The following ALOXE3 variants were observed in gnomAD, a reference collection of about 807,000 sequenced individuals.
ALOXE3 encodes hydroperoxide isomerase ALOXE3.
A neutral mutation model predicts 87.5 loss-of-function variants in ALOXE3; 78 were observed. That is an observed-to-expected ratio of 0.89 (90% CI 0.74 to 1.08). The LOEUF is 1.08. Ranked by LOEUF, ALOXE3 falls within the 50% of genes least tolerant of loss-of-function variation. The probability of loss-of-function intolerance (pLI) is 0.00; values close to 1 mark genes in which losing one functional copy is unlikely to be tolerated. For synonymous variants in ALOXE3, 363 were observed against 370.8 expected (o/e 0.98, Z 0.24); for missense variants, 946 against 912.4 (o/e 1.04, Z -0.47).
chr17:8,098,807 T>C (rs1028443257), intron 15 of ALOXE3, among the ~76,000 whole-genome samples: 3 of 152,130 alleles, frequency 2.0e-5, no homozygotes, highest in African/African-American at 7.2e-5. Context: ...TTGGCTGATA[T>C]ATTTTTAAGA....
Position 8,110,423 on chromosome 17 carries a change from G to A in ALOXE3, c.1063C>T (p.Leu355Phe). 1 of 1,611,952 alleles carries A rather than the reference G, an allele frequency of 6.2e-7. No individual in the cohort carries two copies. Among genetic ancestry groups the A allele is most frequent in the East Asian group, 2.2e-5 (1 of 44,862 alleles). The change falls in exon 9 of 16, where the codon CTC (leucine) becomes TTC (phenylalanine). Residue 355 changes from leucine to phenylalanine, a missense_variant. Coordinates refer to ENST00000448843, the MANE Select transcript of ALOXE3 (RefSeq NM_021628.3). ...GGCACCAGCGCCCCCTGGGGGCTGA[G>A]CCACAGCAGGCACAGTGGGGCGGCC... ...YVAAPLCLLWLSPQGALVPLA... is the reference protein window; with the variant it reads ...YVAAPLCLLWFSPQGALVPLA...
At position 8,116,862 on chromosome 17, in the gene ALOXE3, A is replaced by G. The variant is rs1356251013; in HGVS notation, c.266T>C (p.Val89Ala). Residue 89 changes from valine (V) to alanine (A), a missense_variant, in exon 3 of 16, where the codon GTC becomes GCC. Transcript: ENST00000448843. The part of the protein sequence containing the change: ...KDSWYCSRIC[V>A]TEPDGSVSHF... ...GGATACACTACCATCCGGTTCGGTGACACAGATGCGGCTACAGTACCAAGA... is the reference window on the plus strand; with the variant it reads ...GGATACACTACCATCCGGTTCGGTGGCACAGATGCGGCTACAGTACCAAGA... The G allele has an allele frequency of 1.2e-6, 2 of 1,614,120 alleles. No homozygotes were observed. Among genetic ancestry groups the G allele is most frequent in the African/African-American group, 1.3e-5 (1 of 74,942 alleles).
At chr17:8,108,336 T>C (rs1979687675) in intron 13 of ALOXE3, 132 bp downstream of exon 13, 1 of 1,384,824 alleles carries the variant, frequency 7.2e-7, no homozygotes, top group South Asian at 1.2e-5. Flanking sequence ...CCTCTTTCCA[T>C]ATCTGCTAGT....
chr17:8,114,618 C>T lies in ALOXE3; in HGVS notation c.555-9G>A, dbSNP rs762085295. On this transcript the variant is annotated splice_polypyrimidine_tract_variant and intron_variant, in intron 5 of 15. Coordinates refer to ENST00000448843, the MANE Select transcript of ALOXE3 (RefSeq NM_021628.3). ...GGTACCGATTCCCACTGCTGGGGGT[C>T]GGGGGAGTAGAAAGACAGAAACCAG... 8 of 1,613,552 alleles carry T rather than the reference C, an allele frequency of 5.0e-6. No homozygotes were observed. Among genetic ancestry groups the T allele is most frequent in the South Asian group, 3.3e-5 (3 of 91,032 alleles).
upstream of ALOXE3, chr17:8,118,869 C>T: frequency 1.3e-6 from 2 of 1,522,330 alleles, no homozygotes; most frequent in Non-Finnish European, 1.8e-6. Context: ...TGGGGAGGAA[C>T]CTCTCAGAGA....
intron 14 of ALOXE3, 165 bp from the exon 15 acceptor site, chr17:8,103,658 C>T (rs1462740489): frequency 9.6e-6 from 8 of 837,022 alleles, no homozygotes; most frequent in Non-Finnish European, 1.5e-5. Context: ...CATGGAAAGG[C>T]AAGAGAGGAA....
At chr17:8,114,752 C>T in intron 5 of ALOXE3, 143 bp from the exon 6 acceptor site, 2 of 1,466,858 alleles carry the variant, frequency 1.4e-6, no homozygotes, top group Non-Finnish European at 1.9e-6. Flanking sequence ...TGCTCCTGAG[C>T]TAAAATAACC....
chr17:8,104,776 G>A (rs1979167746), intron 13 of ALOXE3, among the ~76,000 whole-genome samples: 1 of 152,208 alleles, frequency 6.6e-6, no homozygotes, highest in Non-Finnish European at 1.5e-5. Flanking sequence ...GACAAGAGGG[G>A]CCTTGTGAGT....
intron 4 of ALOXE3, 54 bp from the exon 5 acceptor site, chr17:8,115,111 T>A (rs1177616288): frequency 6.2e-7 from 1 of 1,609,510 alleles, no homozygotes; most frequent in African/African-American, 1.3e-5. Flanking sequence ...TAAACACAAG[T>A]CTTAGCTTTA....
chr17:8,114,496 T>C lies in ALOXE3; in HGVS notation c.668A>G (p.Asn223Ser), dbSNP rs921956150. ...ACAATGGCCTTACGCAGGGATGGCA[T>C]TGAAGAGCAGCGAGATCGTCTTGGT... ...SATKTISLLF[N>S]AIPASLGMKL... Residue 223 changes from asparagine to serine, a missense_variant, in exon 6 of 16, where the codon AAT becomes AGT. Coordinates refer to ENST00000448843, the MANE Select transcript of ALOXE3 (RefSeq NM_021628.3). The C allele has an allele frequency of 3.7e-6, 6 of 1,613,736 alleles. No individual in the cohort carries two copies. In the African/African-American group the frequency reaches 5.3e-5, roughly 14 times the overall value.
chr17:8,100,528 T>A (rs117684764), intron 15 of ALOXE3, among the ~76,000 whole-genome samples: 43 of 152,220 alleles, frequency 2.8e-4, no homozygotes, highest in African/African-American at 9.6e-4. Context: ...ATGTCTGTAG[T>A]TTTTTTATTT....
At chr17:8,109,494 C>G (rs1979825102) in intron 11 of ALOXE3, 151 bp from the exon 12 acceptor site, 1 of 991,566 alleles carries the variant, frequency 1.0e-6, no homozygotes, top group Non-Finnish European at 1.5e-6. Context: ...GCCTGCCTGA[C>G]GCAGGCTGCG....
intron 3 of ALOXE3, 88 bp from the exon 4 acceptor site, chr17:8,115,776 C>T: frequency 7.7e-7 from 1 of 1,294,040 alleles, no homozygotes; most frequent in East Asian, 2.3e-5. Flanking sequence ...GACCCTTGAA[C>T]CCAATCCGAC....
intron 15 of ALOXE3, among the ~76,000 whole-genome samples, chr17:8,097,501 G>A (rs149683207): frequency 2.8e-4 from 42 of 152,126 alleles, no homozygotes; most frequent in African/African-American, 9.6e-4. Flanking sequence ...ATCAACCATC[G>A]TGATGGAACT....
intron 13 of ALOXE3, among the ~76,000 whole-genome samples, chr17:8,106,504 AC>A (rs1363050011): frequency 1.3e-5 from 2 of 152,070 alleles, no homozygotes; most frequent in Admixed American, 1.3e-4. Context: ...ACAGAGCAAG[AC>A]CCTGTCTCAA....
intron 8 of ALOXE3, 25 bp downstream of exon 8, chr17:8,111,334 G>A (rs768079226): frequency 6.2e-7 from 1 of 1,611,958 alleles, no homozygotes; most frequent in Non-Finnish European, 8.5e-7. Flanking sequence ...CACCTATCAG[G>A]CCCACTGCCC....
intron 15 of ALOXE3, 104 bp from the exon 16 acceptor site, chr17:8,096,910 C>T: frequency 7.5e-7 from 1 of 1,333,542 alleles, no homozygotes; most frequent in South Asian, 1.2e-5. Flanking sequence ...CTTCTAGTAG[C>T]ACAACCCAGT....
Position 8,118,118 on chromosome 17 carries a change from G to T in ALOXE3, c.-128C>A. 1.9e-6 allele frequency: 3 copies of T among 1,552,026 alleles called. No individual in the cohort carries two copies. The South Asian group carries it at 3.6e-5, about 18-fold the overall frequency. On this transcript the variant is annotated 5_prime_UTR_variant, in exon 2 of 16. Coordinates refer to ENST00000448843, the MANE Select transcript of ALOXE3 (RefSeq NM_021628.3). ...GGCTAGGGGCTGCGGGGCTGGGTAG[G>T]GCTGAGGATGGGCCCAGCTCTCTCT...
At chr17:8,096,895 G>C (rs1978578370) in intron 15 of ALOXE3, 89 bp from the exon 16 acceptor site, 2 of 1,482,594 alleles carry the variant, frequency 1.3e-6, no homozygotes, top group African/African-American at 1.4e-5. Flanking sequence ...ATCCAGTCAA[G>C]GTGGCTTCTA....
Sources: gnomAD v4.1 joint callset for allele counts (sites outside exome capture counted in the v4.1 genomes callset) on GRCh38, gnomAD v4.1.1 for gene constraint, MANE v1.5 for transcripts, NCBI Gene and HGNC (gene_info 2026-07-23, HGNC 2026-07-21) for gene names.